OXR1: variants seen among roughly 807,000 people sequenced by gnomAD.
OXR1 encodes oxidation resistance protein 1.
In OXR1, 41 loss-of-function variants were observed where a neutral mutation model predicts 104.6. The observed-to-expected ratio is 0.39, with a 90% CI of 0.31 to 0.51. The LOEUF is 0.51. Among genes scored for constraint, OXR1 ranks in the 20% least tolerant of loss-of-function variants. The pLI is 0.77. For synonymous variants in OXR1, 348 were observed against 348.4 expected, an observed-to-expected ratio of 1.00 and a Z score of 0.01; for missense variants, 955 against 1,031.9, an observed-to-expected ratio of 0.93 and a Z score of 1.02.
At chr8:106,742,148 CAT>C in intron 14 of OXR1, 72 bp from the exon 15 acceptor site, 1 of 859,476 alleles carries the variant, frequency 1.2e-6, no homozygotes, top group Non-Finnish European at 1.9e-6. Flanking sequence ...TTTATTTAAA[CAT>C]ATATGATGAA....
chr8:106,447,417 C>G (rs1322313470), intron 2 of OXR1, among the ~76,000 whole-genome samples: 1 of 152,168 alleles, frequency 6.6e-6, no homozygotes. Flanking sequence ...AAATTCAAAT[C>G]TCATCTCTGC....
chr8:106,579,250 C>G (rs993212323), intron 3 of OXR1, among the ~76,000 whole-genome samples: 1 of 152,072 alleles, frequency 6.6e-6, no homozygotes, highest in Non-Finnish European at 1.5e-5. Context: ...ACTTCAAACC[C>G]GTCACTTCCT....
chr8:106,485,099 A>G (rs544854788), intron 2 of OXR1, among the ~76,000 whole-genome samples: 126 of 152,176 alleles, frequency 8.3e-4, no homozygotes, highest in Non-Finnish European at 1.4e-3. Flanking sequence ...GATTGAAACT[A>G]TATGACATTT....
At chr8:106,698,677 GCATATTTCATCT>G (rs879799142) in intron 7 of OXR1, among the ~76,000 whole-genome samples, 1 of 151,658 alleles carries the variant, frequency 6.6e-6, no homozygotes, top group Admixed American at 6.6e-5. Flanking sequence ...ATCCTATCCA[GCATATTTCATCT>G]CACACATTGC....
At chr8:106,691,232 G>A (rs772730006) in intron 6 of OXR1, among the ~76,000 whole-genome samples, 1 of 151,798 alleles carries the variant, frequency 6.6e-6, no homozygotes, top group Non-Finnish European at 1.5e-5. Context: ...CTTCTCTGGT[G>A]GCTAAAACAA....
At chr8:106,594,847 G>C (rs775564310) in intron 3 of OXR1, among the ~76,000 whole-genome samples, 4 of 152,202 alleles carry the variant, frequency 2.6e-5, no homozygotes, top group Non-Finnish European at 5.9e-5. Flanking sequence ...CCCCTTGTCT[G>C]TAAGGGCAAG....
chr8:106,715,856 C>T (rs569085910), intron 11 of OXR1, among the ~76,000 whole-genome samples: 239 of 152,192 alleles, frequency 1.6e-3, no homozygotes, highest in African/African-American at 5.4e-3. Flanking sequence ...ATCTCCTCAC[C>T]AGTCCTTTGA....
intron 3 of OXR1, among the ~76,000 whole-genome samples, chr8:106,527,660 C>G (rs1486811869): frequency 6.6e-6 from 1 of 152,180 alleles, no homozygotes; most frequent in Non-Finnish European, 1.5e-5. Context: ...TTCTCTAAAT[C>G]TGATTAATAT....
rs185886740 is a variant in OXR1, at chr8:106,468,797, C to T, written c.24-50146C>T. On this transcript the variant is annotated intron_variant, in intron 2 of 16. Coordinates refer to ENST00000517566, the MANE Select transcript of OXR1 (RefSeq NM_001198533.2). The stretch of plus-strand genomic sequence containing the variant: ...TCTAATAATGTTTGCAGAACTTGAG[C>T]CAAGAGAAAGTACATTTTAGGGATT... Among the ~76,000 whole-genome samples the T allele has an allele frequency of 3.1e-3, 468 of 151,690 alleles. 1 individual carries two copies. Among genetic ancestry groups the T allele is most frequent in the South Asian group, 0.015 (70 of 4,802 alleles).
chr8:106,389,579 C>T (rs1817514226), intron 2 of OXR1, among the ~76,000 whole-genome samples: 1 of 152,146 alleles, frequency 6.6e-6, no homozygotes, highest in African/African-American at 2.4e-5. Flanking sequence ...TGATCATACC[C>T]ATTTTCCCAG....
intron 3 of OXR1, among the ~76,000 whole-genome samples, chr8:106,674,529 A>C (rs1473073575): frequency 6.6e-6 from 1 of 152,238 alleles, no homozygotes; most frequent in Middle Eastern, 3.4e-3. Flanking sequence ...TGCTGGAGTG[A>C]ATTAAGACTT....
At chr8:106,573,708 C>T (rs139482347) in intron 3 of OXR1, among the ~76,000 whole-genome samples, 3 of 152,240 alleles carry the variant, frequency 2.0e-5, no homozygotes, top group Non-Finnish European at 4.4e-5. Flanking sequence ...ATAAGTAAAG[C>T]AAGATGTCTT....
At chr8:106,568,562 G>A (rs530646120) in intron 3 of OXR1, among the ~76,000 whole-genome samples, 1 of 152,206 alleles carries the variant, frequency 6.6e-6, no homozygotes, top group East Asian at 1.9e-4. Context: ...AATGATGGCA[G>A]CTCTTGAAGA....
chr8:106,474,751 G>A (rs1563546356), intron 2 of OXR1, among the ~76,000 whole-genome samples: 1 of 151,852 alleles, frequency 6.6e-6, no homozygotes, highest in Admixed American at 6.6e-5. Context: ...TTCCAGAAAA[G>A]CTTTTCCAAC....
Position 106,472,704 on chromosome 8 carries a change from C to A in OXR1, c.24-46239C>A, listed in dbSNP as rs1452869304. The stretch of plus-strand genomic sequence containing the variant: ...CATTATTCTGTCATCCGTGTCACTC[C>A]AGTCTTTTTTCTTTCTAATGTTAAT... On this transcript the variant is annotated intron_variant, in intron 2 of 16. Transcript: ENST00000517566. 2.6e-5 allele frequency among the ~76,000 whole-genome samples: 4 copies of A among 151,796 alleles called. No individual in the cohort carries two copies. The East Asian group carries it at 7.8e-4, about 29-fold the overall frequency.
At chr8:106,443,770 G>A (rs1321247456) in intron 2 of OXR1, among the ~76,000 whole-genome samples, 1 of 152,016 alleles carries the variant, frequency 6.6e-6, no homozygotes, top group Non-Finnish European at 1.5e-5. Context: ...TTCCATTCAG[G>A]ACATAGGCAT....
At chr8:106,725,977 A>C (rs1318591518) in intron 11 of OXR1, 2 of 359,740 alleles carry the variant, frequency 5.6e-6, no homozygotes. Flanking sequence ...CTTTCTTTGC[A>C]CATTTGGGTA....
chr8:106,448,252 CAT>C (rs779356604), intron 2 of OXR1, among the ~76,000 whole-genome samples: 22 of 152,252 alleles, frequency 1.4e-4, no homozygotes, highest in Non-Finnish European at 2.8e-4. Context: ...CTGCCGAAAA[CAT>C]AGGTACTAAA....
intron 1 of OXR1, among the ~76,000 whole-genome samples, chr8:106,346,876 A>G (rs560922155): frequency 2.0e-5 from 3 of 152,260 alleles, no homozygotes; most frequent in South Asian, 4.1e-4. Flanking sequence ...CGTCTCTACT[A>G]AAAATACAAA....
Sources: allele counts gnomAD v4.1 joint callset (sites outside exome capture counted in the v4.1 genomes callset), GRCh38; gene constraint gnomAD v4.1.1; transcripts MANE v1.5; gene names NCBI Gene and HGNC (gene_info 2026-07-23, HGNC 2026-07-21).